The following ACACA variants were observed in gnomAD, a reference collection of about 807,000 sequenced individuals.
The protein encoded by ACACA is acetyl-CoA carboxylase 1.
In ACACA, 103 loss-of-function variants were observed where a neutral mutation model predicts 296.1. The observed-to-expected ratio is 0.35, with a 90% CI of 0.30 to 0.41. The LOEUF (loss-of-function observed/expected upper bound fraction) is 0.41, where lower values mean the gene tolerates loss of function less well. Among genes scored for constraint, ACACA ranks in the 10% least tolerant of loss-of-function variants. The pLI is 1.00. For synonymous variants in ACACA, 953 were observed against 1,038.6 expected (o/e 0.92, Z 1.58); for missense variants, 1,554 against 2,989.7 (o/e 0.52, Z 11.20).
intron 33 of ACACA, among the ~76,000 whole-genome samples, chr17:37,202,196 A>G (rs1213083600): frequency 2.0e-5 from 3 of 152,214 alleles, no homozygotes; most frequent in African/African-American, 7.2e-5. Context: ...TCCTTCAAAG[A>G]CAAGCATCAG....
At chr17:37,099,023 C>T (rs2073162984) in intron 52 of ACACA, among the ~76,000 whole-genome samples, 1 of 152,122 alleles carries the variant, frequency 6.6e-6, no homozygotes, top group Non-Finnish European at 1.5e-5. Flanking sequence ...TGCTTTGTCA[C>T]CAAAGCTGAC....
In ACACA at chr17:37,193,433, G is replaced by A. The variant is rs1307919600; in HGVS notation, c.4159-18C>T. On this transcript the variant is annotated intron_variant, in intron 35 of 55. Coordinates refer to ENST00000616317, the MANE Select transcript of ACACA (RefSeq NM_198834.3). The stretch of plus-strand genomic sequence containing the variant: ...AATTCTCTCTGTATTAAAGAAGGGG[G>A]AAAAATGTGTCAGTAGTTCATAGAC... The A allele has an allele frequency of 1.3e-6, 2 of 1,585,782 alleles. No individual in the cohort carries two copies. Among genetic ancestry groups the A allele is most frequent in the African/African-American group, 1.3e-5 (1 of 74,348 alleles).
At chr17:37,224,590 G>T (rs1374899271) in intron 27 of ACACA, among the ~76,000 whole-genome samples, 1 of 152,080 alleles carries the variant, frequency 6.6e-6, no homozygotes, top group Non-Finnish European at 1.5e-5. Context: ...CTCCAGAAGA[G>T]TAACAACTAC....
intron 3 of ACACA, chr17:37,301,500 A>G (rs2083615451): frequency 1.8e-6 from 1 of 540,922 alleles, no homozygotes; most frequent in African/African-American, 2.1e-5. Flanking sequence ...TGACTGCAAC[A>G]CAGTCTGAGT....
At chr17:37,336,908 G>A (rs931128896) in intron 2 of ACACA, among the ~76,000 whole-genome samples, 4 of 152,128 alleles carry the variant, frequency 2.6e-5, no homozygotes, top group South Asian at 4.1e-4. Flanking sequence ...ACATATGCAC[G>A]ATTGTTCTGG....
intron 41 of ACACA, among the ~76,000 whole-genome samples, chr17:37,179,040 A>G (rs1215000779): frequency 1.3e-5 from 2 of 152,176 alleles, no homozygotes; most frequent in Non-Finnish European, 2.9e-5. Context: ...TTTAAAACTG[A>G]GTCCTTTGTG....
intron 25 of ACACA, among the ~76,000 whole-genome samples, chr17:37,230,421 A>G (rs1021271564): frequency 6.6e-6 from 1 of 150,752 alleles, no homozygotes; most frequent in African/African-American, 2.5e-5. Context: ...TAAATAAATA[A>G]ATAAATAAAT....
intron 25 of ACACA, among the ~76,000 whole-genome samples, chr17:37,234,038 A>G (rs1276318023): frequency 6.6e-6 from 1 of 152,240 alleles, no homozygotes; most frequent in Non-Finnish European, 1.5e-5. Context: ...GTTTCCCTTC[A>G]TTCTGAAGAA....
chr17:37,137,248 T>A (rs1044233426), intron 45 of ACACA, among the ~76,000 whole-genome samples: 1 of 152,106 alleles, frequency 6.6e-6, no homozygotes, highest in African/African-American at 2.4e-5. Flanking sequence ...CTCCTACTGG[T>A]TTTACTGAAT....
intron 45 of ACACA, among the ~76,000 whole-genome samples, chr17:37,137,448 C>G (rs1212012678): frequency 6.6e-6 from 1 of 151,996 alleles, no homozygotes; most frequent in Non-Finnish European, 1.5e-5. Context: ...CTATTATTGT[C>G]TTTTAGCTAA....
intron 1 of ACACA, among the ~76,000 whole-genome samples, chr17:37,404,785 C>T (rs1429585529): frequency 2.6e-5 from 4 of 151,920 alleles, no homozygotes; most frequent in Non-Finnish European, 5.9e-5. Flanking sequence ...ACCATGTTGA[C>T]CAGGCTGGTC....
chr17:37,343,543 G>T (rs1459313855), intron 1 of ACACA, among the ~76,000 whole-genome samples: 1 of 151,882 alleles, frequency 6.6e-6, no homozygotes, highest in Non-Finnish European at 1.5e-5. Context: ...AAGGCAGGTG[G>T]ATCACGAGGT....
intron 1 of ACACA, among the ~76,000 whole-genome samples, chr17:37,342,456 T>C (rs778378921): frequency 7.4e-5 from 8 of 107,586 alleles, no homozygotes; most frequent in East Asian, 4.8e-4. Context: ...TATATATATA[T>C]ATACACACAC....
At chr17:37,286,816 G>C (rs2146644280) in intron 3 of ACACA, among the ~76,000 whole-genome samples, 1 of 151,822 alleles carries the variant, frequency 6.6e-6, no homozygotes, top group African/African-American at 2.4e-5. Flanking sequence ...CAGAGGTCCA[G>C]GCACCAGCCC....
chr17:37,375,228 T>C (rs894737191), intron 1 of ACACA, among the ~76,000 whole-genome samples: 2 of 151,844 alleles, frequency 1.3e-5, no homozygotes, highest in African/African-American at 4.8e-5. Flanking sequence ...GGCTCATGCC[T>C]GTAATCCCAG....
At chr17:37,249,183 C>G (rs1196181943) in intron 16 of ACACA, among the ~76,000 whole-genome samples, 1 of 152,154 alleles carries the variant, frequency 6.6e-6, no homozygotes, top group Non-Finnish European at 1.5e-5. Context: ...TAGCATGTGT[C>G]AGAATTTCCT....
At chr17:37,208,079 T>C (rs2078587137) in intron 30 of ACACA, among the ~76,000 whole-genome samples, 1 of 152,150 alleles carries the variant, frequency 6.6e-6, no homozygotes, top group African/African-American at 2.4e-5. Context: ...TTTAACACAA[T>C]TACATTATAA....
At chr17:37,264,131 C>G (rs1306768572) in intron 10 of ACACA, among the ~76,000 whole-genome samples, 1 of 152,142 alleles carries the variant, frequency 6.6e-6, no homozygotes. Flanking sequence ...ATACGAACAT[C>G]TGGTGCATCA....
chr17:37,223,811 T>TA (rs1376125316), intron 27 of ACACA, among the ~76,000 whole-genome samples: 1 of 152,240 alleles, frequency 6.6e-6, no homozygotes, highest in African/African-American at 2.4e-5. Context: ...TAAATACATG[T>TA]AAAATTCTTG....
Sources: gnomAD v4.1 joint callset for allele counts (sites outside exome capture counted in the v4.1 genomes callset) on GRCh38, gnomAD v4.1.1 for gene constraint, MANE v1.5 for transcripts, NCBI Gene and HGNC (gene_info 2026-07-23, HGNC 2026-07-21) for gene names.